The following ITFG1 variants were observed in gnomAD, a reference collection of about 807,000 sequenced individuals.
ITFG1 encodes the protein T-cell immunomodulatory protein.
ITFG1 carries 34 observed loss-of-function variants against 81.8 expected under a neutral mutation model. The ratio of observed to expected loss-of-function variants is 0.42; its 90% CI spans 0.32 to 0.55. The LOEUF (loss-of-function observed/expected upper bound fraction) is 0.55, where lower values mean the gene tolerates loss of function less well. Ranked by LOEUF, ITFG1 falls within the 20% of genes least tolerant of loss-of-function variation. The probability of loss-of-function intolerance (pLI) is 0.17; values close to 1 mark genes in which losing one functional copy is unlikely to be tolerated. For missense variants in ITFG1, 672 were observed against 755.4 expected (o/e 0.89, Z 1.29); for synonymous variants, 285 against 270.6 (o/e 1.05, Z -0.52).
intron 8 of ITFG1, among the ~76,000 whole-genome samples, chr16:47,358,924 AAAAT>A (rs1968074584): frequency 6.6e-6 from 1 of 152,156 alleles, no homozygotes; most frequent in African/African-American, 2.4e-5. Flanking sequence ...GCAATGGAGA[AAAAT>A]AAAGCAGGAA....
At chr16:47,443,492 A>T (rs191410961) in intron 5 of ITFG1, among the ~76,000 whole-genome samples, 1 of 152,314 alleles carries the variant, frequency 6.6e-6, no homozygotes, top group East Asian at 1.9e-4. Context: ...AGAGTTGGAA[A>T]CAACCCAAAT....
chr16:47,337,940 T>G (rs571649587), intron 8 of ITFG1, among the ~76,000 whole-genome samples: 1 of 152,366 alleles, frequency 6.6e-6, no homozygotes, highest in Non-Finnish European at 1.5e-5. Flanking sequence ...GAAATATGAT[T>G]GCTGTTTGTT....
intron 6 of ITFG1, among the ~76,000 whole-genome samples, chr16:47,383,644 G>A (rs973856276): frequency 4.6e-5 from 7 of 152,304 alleles, no homozygotes; most frequent in Middle Eastern, 3.4e-3. Flanking sequence ...GGTGGCACAC[G>A]CCTGTAATCC....
At chr16:47,241,369 A>G (rs1965931399) in intron 12 of ITFG1, among the ~76,000 whole-genome samples, 1 of 152,258 alleles carries the variant, frequency 6.6e-6, no homozygotes, top group South Asian at 2.1e-4. Flanking sequence ...AGTATTATTC[A>G]TAATAGCCAA....
At chr16:47,311,436 A>G (rs954981718) in intron 9 of ITFG1, 24 bp from the exon 10 acceptor site, 2 of 1,517,914 alleles carry the variant, frequency 1.3e-6, no homozygotes, top group East Asian at 4.6e-5. Context: ...GAAAAAGATC[A>G]GACTTTATAG....
intron 12 of ITFG1, among the ~76,000 whole-genome samples, chr16:47,253,101 C>G (rs1258884636): frequency 6.6e-6 from 1 of 152,012 alleles, no homozygotes; most frequent in African/African-American, 2.4e-5. Flanking sequence ...GTGGAGAATC[C>G]TCTCCTCAGG....
At chr16:47,254,947 C>T (rs61024223) in intron 12 of ITFG1, among the ~76,000 whole-genome samples, 1 of 152,066 alleles carries the variant, frequency 6.6e-6, no homozygotes, top group Non-Finnish European at 1.5e-5. Flanking sequence ...ATTAGCGAGG[C>T]ATGGCAGCAC....
At chr16:47,185,513 T>C (rs1394379420) in intron 14 of ITFG1, among the ~76,000 whole-genome samples, 1 of 152,126 alleles carries the variant, frequency 6.6e-6, no homozygotes, top group Non-Finnish European at 1.5e-5. Context: ...GAATGACTAC[T>C]GGGTACATAA....
chr16:47,350,753 C>G (rs1400084939), intron 8 of ITFG1, among the ~76,000 whole-genome samples: 1 of 152,018 alleles, frequency 6.6e-6, no homozygotes, highest in South Asian at 2.1e-4. Flanking sequence ...CGGGCAGAGC[C>G]ACAACAAAAA....
intron 8 of ITFG1, among the ~76,000 whole-genome samples, chr16:47,330,657 G>T (rs1266942209): frequency 6.6e-6 from 1 of 151,960 alleles, no homozygotes; most frequent in Non-Finnish European, 1.5e-5. Flanking sequence ...TTAAAAACTG[G>T]GCAAAGAACA....
chr16:47,175,700 A>C (rs143801484), intron 14 of ITFG1, among the ~76,000 whole-genome samples: 1 of 152,256 alleles, frequency 6.6e-6, no homozygotes, highest in African/African-American at 2.4e-5. Context: ...GGGAATCGGG[A>C]ACATTGTATA....
At chr16:47,261,680 T>C (rs1213459548) in intron 10 of ITFG1, among the ~76,000 whole-genome samples, 1 of 152,238 alleles carries the variant, frequency 6.6e-6, no homozygotes, top group Non-Finnish European at 1.5e-5. Context: ...ATAATTACTT[T>C]TCATTTTTTC....
chr16:47,239,639 A>C (rs1965912083), intron 12 of ITFG1, among the ~76,000 whole-genome samples: 2 of 152,234 alleles, frequency 1.3e-5, no homozygotes, highest in South Asian at 4.1e-4. Context: ...TTTACATTAA[A>C]TACAACTTGA....
chr16:47,264,934 T>C (rs1161062506), intron 10 of ITFG1, among the ~76,000 whole-genome samples: 1 of 152,152 alleles, frequency 6.6e-6, no homozygotes, highest in African/African-American at 2.4e-5. Flanking sequence ...AGATCTTTTA[T>C]TGTTAGAGAC....
intron 12 of ITFG1, among the ~76,000 whole-genome samples, chr16:47,252,723 A>C (rs1966092609): frequency 6.6e-6 from 1 of 152,180 alleles, no homozygotes; most frequent in Non-Finnish European, 1.5e-5. Flanking sequence ...AAGTATCCCC[A>C]ATTTCCTTAA....
At chr16:47,195,068 A>T (rs779214131) in intron 14 of ITFG1, among the ~76,000 whole-genome samples, 50 of 152,076 alleles carry the variant, frequency 3.3e-4, no homozygotes, top group Non-Finnish European at 6.2e-4. Context: ...ATTTCTATTT[A>T]TTCTCTTGCT....
At chr16:47,246,720 A>G (rs1966006155) in intron 12 of ITFG1, among the ~76,000 whole-genome samples, 1 of 152,148 alleles carries the variant, frequency 6.6e-6, no homozygotes, top group South Asian at 2.1e-4. Flanking sequence ...TTCAGTAATG[A>G]TACTGCTTTT....
At chr16:47,351,825 C>T (rs1267469590) in intron 8 of ITFG1, among the ~76,000 whole-genome samples, 1 of 152,166 alleles carries the variant, frequency 6.6e-6, no homozygotes, top group Non-Finnish European at 1.5e-5. Context: ...TACAAGGCTA[C>T]AGTAACCACA....
intron 3 of ITFG1, among the ~76,000 whole-genome samples, chr16:47,453,232 G>A (rs367544560): frequency 3.3e-5 from 5 of 152,132 alleles, no homozygotes; most frequent in African/African-American, 9.7e-5. Flanking sequence ...AATGTATCGC[G>A]ATTACTGTTT....
Sources: allele counts gnomAD v4.1 joint callset (sites outside exome capture counted in the v4.1 genomes callset), GRCh38; gene constraint gnomAD v4.1.1; transcripts MANE v1.5; gene names NCBI Gene and HGNC (gene_info 2026-07-23, HGNC 2026-07-21).